The following PRXL2C variants were observed in gnomAD, a reference collection of about 807,000 sequenced individuals.
PRXL2C encodes peroxiredoxin-like 2C.
A neutral mutation model predicts 24.9 loss-of-function variants in PRXL2C; 38 were observed. That is an observed-to-expected ratio of 1.53 (90% CI 1.18 to 2.00). PRXL2C has a LOEUF of 2.00. Ranked by LOEUF, PRXL2C falls within the 30% of genes most tolerant of loss-of-function variation. The probability of loss-of-function intolerance (pLI) is 0.00; values close to 1 mark genes in which losing one functional copy is unlikely to be tolerated. For missense variants in PRXL2C, 294 were observed against 290.9 expected, an observed-to-expected ratio of 1.01 and a Z score of -0.08; for synonymous variants, 98 against 117.2, an observed-to-expected ratio of 0.84 and a Z score of 1.06.
intron 4 of PRXL2C, among the ~76,000 whole-genome samples, chr9:96,647,934 C>G (rs1848217412): frequency 6.6e-6 from 1 of 151,160 alleles, no homozygotes; most frequent in African/African-American, 2.4e-5. Context: ...GACAGGGAGT[C>G]AATCCGTCAC....
rs1181209178 is a variant in PRXL2C at position 96,654,751 on chromosome 9, T to C, written c.215A>G (p.Lys72Arg). ...FVRHFLCYICKEYVEDLAKIP... is the reference protein window; with the variant it reads ...FVRHFLCYICREYVEDLAKIP... ...TTTGGCCAGATCCTCTACGTATTCC[T>C]TGCAGATGTAACACAGGAAATGCTG... The change falls in exon 2 of 6, where the codon AAG (lysine) becomes AGG (arginine). Residue 72 changes from lysine to arginine, a missense_variant. Physicochemically the swap from Lys to Arg is conservative, Grantham distance 26. Transcript: ENST00000375234. 18 of 1,566,870 alleles carry C rather than the reference T, an allele frequency of 1.1e-5. No individual in the cohort carries two copies. Among genetic ancestry groups the C allele is most frequent in the Non-Finnish European group, 1.6e-5 (18 of 1,154,516 alleles).
intron 5 of PRXL2C, 97 bp downstream of exon 5, chr9:96,645,796 C>CG (rs1233560098): frequency 7.9e-5 from 95 of 1,203,578 alleles, no homozygotes; most frequent in African/African-American, 7.6e-4. Flanking sequence ...GACTCCCTCT[C>CG]GAAAAAAAAA....
chr9:96,650,747 A>G (rs1172983922), intron 4 of PRXL2C, among the ~76,000 whole-genome samples: 3 of 152,030 alleles, frequency 2.0e-5, no homozygotes, highest in Non-Finnish European at 2.9e-5. Context: ...ACAAAAGCCA[A>G]TTTTCTCACT....
intron 1 of PRXL2C, 129 bp downstream of exon 1, chr9:96,654,961 G>A (rs1848332328): frequency 3.2e-6 from 4 of 1,258,078 alleles, no homozygotes; most frequent in Admixed American, 3.9e-5. Context: ...GCCCTAGTTG[G>A]GAAGCGGCCG....
At chr9:96,649,498 A>C in intron 4 of PRXL2C, among the ~76,000 whole-genome samples, 1 of 137,258 alleles carries the variant, frequency 7.3e-6, no homozygotes, top group African/African-American at 3.6e-5. Flanking sequence ...CAGGAGGTGG[A>C]GGTTGCAGTG....
At chr9:96,654,940 C>G in intron 1 of PRXL2C, 150 bp downstream of exon 1, 1 of 1,205,134 alleles carries the variant, frequency 8.3e-7, no homozygotes, top group Non-Finnish European at 1.1e-6. Flanking sequence ...CCCTCGCCCT[C>G]TCCCTGCCCC....
intron 4 of PRXL2C, among the ~76,000 whole-genome samples, chr9:96,646,826 C>G (rs1235489533): frequency 6.6e-6 from 1 of 152,084 alleles, no homozygotes; most frequent in Non-Finnish European, 1.5e-5. Context: ...GTTTCACTCT[C>G]GTTGCCCAGG....
intron 5 of PRXL2C, among the ~76,000 whole-genome samples, chr9:96,644,058 G>A (rs879284009): frequency 2.3e-4 from 35 of 151,132 alleles, no homozygotes; most frequent in African/African-American, 3.2e-4. Flanking sequence ...GCTTGATCCC[G>A]GGAGGCGGAG....
At chr9:96,643,832 CCTT>C (rs1180353523) in intron 5 of PRXL2C, among the ~76,000 whole-genome samples, 1 of 151,966 alleles carries the variant, frequency 6.6e-6, no homozygotes, top group Non-Finnish European at 1.5e-5. Flanking sequence ...TCAAAACCCT[CCTT>C]CTAAAAAATA....
rs1210562340 is a variant in PRXL2C, at chr9:96,655,289, G to T, written c.-8C>A. 1.9e-6 allele frequency: 2 copies of T among 1,050,226 alleles called. No homozygotes were observed. Among genetic ancestry groups the T allele is most frequent in the South Asian group, 4.4e-5 (1 of 22,686 alleles). 65.1% of individuals were successfully genotyped at this position (1,050,226 alleles called of 1,614,324 possible). On this transcript the variant is annotated 5_prime_UTR_variant, in exon 1 of 6. Coordinates refer to ENST00000375234, the MANE Select transcript of PRXL2C (RefSeq NM_153698.2). ...CGGGGCCGGCGCGGCCATGACGCGGGGCGGCCGAGGGCCTGGGTCCGCTCT... is the reference window on the plus strand; with the variant it reads ...CGGGGCCGGCGCGGCCATGACGCGGTGCGGCCGAGGGCCTGGGTCCGCTCT...
At chr9:96,650,817 C>T (rs917438181) in intron 4 of PRXL2C, among the ~76,000 whole-genome samples, 1 of 138,268 alleles carries the variant, frequency 7.2e-6, no homozygotes, top group Non-Finnish European at 1.5e-5. Flanking sequence ...TGTGCGCACG[C>T]GTGCACACAC....
rs778789652 is a variant in PRXL2C, at chr9:96,654,775, T to A, written c.193-2A>T. On this transcript the variant is annotated splice_acceptor_variant, in intron 1 of 5. Coordinates refer to ENST00000375234, the MANE Select transcript of PRXL2C (RefSeq NM_153698.2). LOFTEE classifies it high-confidence loss of function. ...CTTGCAGATGTAACACAGGAAATGC[T>A]GAAAGCCAAAACGGCAGAAAGGGCA... 1.3e-6 allele frequency: 2 copies of A among 1,560,172 alleles called. No individual in the cohort carries two copies. The highest frequency in any genetic ancestry group is 2.7e-5 in the African/African-American group (2 of 73,780).
At chr9:96,645,292 G>C (rs930527493) in intron 5 of PRXL2C, among the ~76,000 whole-genome samples, 3 of 151,970 alleles carry the variant, frequency 2.0e-5, no homozygotes, top group Non-Finnish European at 4.4e-5. Context: ...CCTAAATAGC[G>C]GAGTGTGTGA....
chr9:96,642,520 A>G (rs904189722), intron 5 of PRXL2C, among the ~76,000 whole-genome samples: 6 of 151,392 alleles, frequency 4.0e-5, no homozygotes, highest in African/African-American at 1.5e-4. Flanking sequence ...TTAAACCATT[A>G]GATTAAGTGT....
intron 4 of PRXL2C, 127 bp downstream of exon 4, chr9:96,651,263 G>C: frequency 1.5e-6 from 1 of 677,160 alleles, no homozygotes; most frequent in Non-Finnish European, 2.5e-6. Context: ...CAGCAACAGA[G>C]TGAGACTCCA....
rs946950242 is a variant in PRXL2C at position 96,641,216 on chromosome 9, A to G, written c.*543T>C. ...AGTTGGGAAATACAGAAAAGTACAGAAAAGAAAATAATAACACTAATCTTA... is the reference window on the plus strand; with the variant it reads ...AGTTGGGAAATACAGAAAAGTACAGGAAAGAAAATAATAACACTAATCTTA... On this transcript the variant is annotated 3_prime_UTR_variant, in exon 6 of 6. Transcript: ENST00000375234. 6.6e-6 allele frequency: 1 copy of G among 152,232 alleles called. No homozygotes were observed. Among genetic ancestry groups the G allele is most frequent in the Non-Finnish European group, 1.5e-5 (1 of 68,060 alleles). 9.4% of individuals were successfully genotyped at this position (152,232 alleles called of 1,614,324 possible).
At position 96,651,510 on chromosome 9, in the gene PRXL2C, T is replaced by C. The variant is rs376813424; in HGVS notation, c.316-15A>G. 1.9e-5 allele frequency: 31 copies of C among 1,599,844 alleles called. No individual in the cohort carries two copies. In the African/African-American group the frequency reaches 4.0e-4, roughly 21 times the overall value. On this transcript the variant is annotated splice_polypyrimidine_tract_variant and intron_variant, in intron 3 of 5. Transcript: ENST00000375234. Reference sequence around the variant, plus strand: ...TTGCAAAAAGGCTGAAAAGAGAGAATGGTTGGAATTTTTACAAGAACAAAT... The same window carrying C: ...TTGCAAAAAGGCTGAAAAGAGAGAACGGTTGGAATTTTTACAAGAACAAAT...
At chr9:96,649,306 T>C (rs1848237080) in intron 4 of PRXL2C, among the ~76,000 whole-genome samples, 1 of 150,952 alleles carries the variant, frequency 6.6e-6, no homozygotes, top group South Asian at 2.1e-4. Context: ...GGCTCATGCC[T>C]GTAACCCCAG....
intron 1 of PRXL2C, 82 bp from the exon 2 acceptor site, chr9:96,654,855 T>A: frequency 7.1e-7 from 1 of 1,415,834 alleles, no homozygotes; most frequent in Non-Finnish European, 9.6e-7. Flanking sequence ...TCGCCGTGCG[T>A]GACGCGAGCA....
Sources: allele counts gnomAD v4.1 joint callset (sites outside exome capture counted in the v4.1 genomes callset), GRCh38; gene constraint gnomAD v4.1.1; transcripts MANE v1.5; gene names NCBI Gene and HGNC (gene_info 2026-07-23, HGNC 2026-07-21).